The following BCL2L13 variants were observed in gnomAD, a reference collection of about 807,000 sequenced individuals.
BCL2L13 encodes bcl-2-like protein 13.
BCL2L13 carries 13 observed loss-of-function variants against 25.8 expected under a neutral mutation model. The observed-to-expected ratio is 0.50, with a 90% CI of 0.33 to 0.80. BCL2L13 has a LOEUF of 0.80. BCL2L13 is among the 30% of genes least tolerant of loss of function. The pLI, the probability that BCL2L13 is intolerant of heterozygous loss-of-function variation, is 0.02. For missense variants in BCL2L13, 504 were observed against 574.9 expected (o/e 0.88, Z 1.26); for synonymous variants, 244 against 230.3 (o/e 1.06, Z -0.54).
Position 17,683,341 on chromosome 22 carries a change from TC to T in BCL2L13, c.229+21del. The T allele has an allele frequency of 2.2e-6, 3 of 1,363,330 alleles. No individual in the cohort carries two copies. The highest frequency in any genetic ancestry group is 2.0e-6 in the Non-Finnish European group (2 of 976,086). The allele number at this position is 1,363,330 out of a possible 1,614,324, so 84.5% of individuals were successfully genotyped here. A position where few individuals can be genotyped will look rare whatever the true frequency, so the allele number is the denominator to read the frequency against. ...CTGAAGGTCTGTTTATTCTTATTTT[TC>T]TAGTTAATAAGCAGATTGTGTTTGT... is the stretch of plus-strand genomic sequence containing the variant. On this transcript the variant is annotated intron_variant, in intron 3 of 6. Transcript: ENST00000317582.
At chr22:17,646,186 A>G (rs534341023) in intron 1 of BCL2L13, among the ~76,000 whole-genome samples, 2 of 151,670 alleles carry the variant, frequency 1.3e-5, no homozygotes, top group South Asian at 4.1e-4. Flanking sequence ...AGGCACAGAA[A>G]GAAACAGGTG....
At chr22:17,695,889 C>T (rs2060250419) in intron 4 of BCL2L13, 1 of 330,278 alleles carries the variant, frequency 3.0e-6, no homozygotes, top group Non-Finnish European at 5.7e-6. Flanking sequence ...CAAGCAGTTA[C>T]AAAAAAATTA....
intron 2 of BCL2L13, among the ~76,000 whole-genome samples, chr22:17,667,775 T>C (rs1410600455): frequency 8.7e-5 from 13 of 149,762 alleles, no homozygotes; most frequent in East Asian, 4.1e-4. Context: ...TCCCAAAGTG[T>C]TGGGATTACA....
chr22:17,662,669 A>G (rs1310717146), intron 2 of BCL2L13, among the ~76,000 whole-genome samples: 1 of 151,858 alleles, frequency 6.6e-6, no homozygotes, highest in Non-Finnish European at 1.5e-5. Context: ...ATAAAAATAA[A>G]TTAGCTGGGT....
At chr22:17,639,842 C>T (rs1027811321) in intron 1 of BCL2L13, among the ~76,000 whole-genome samples, 12 of 151,032 alleles carry the variant, frequency 7.9e-5, no homozygotes, top group Non-Finnish European at 1.0e-4. Flanking sequence ...CCACACCCTT[C>T]AGATACCTTC....
intron 2 of BCL2L13, among the ~76,000 whole-genome samples, chr22:17,656,719 T>C (rs528209151): frequency 6.6e-6 from 1 of 152,240 alleles, no homozygotes; most frequent in South Asian, 2.1e-4. Context: ...TTTTCGATAC[T>C]TCACAAATAT....
chr22:17,638,972 A>G (rs751154691), intron 1 of BCL2L13, 86 bp downstream of exon 1: 5 of 1,072,274 alleles, frequency 4.7e-6, no homozygotes, highest in Non-Finnish European at 5.9e-6. Flanking sequence ...GACCGTATCG[A>G]GCCACCGACT....
At chr22:17,664,856 C>A (rs1429884568) in intron 2 of BCL2L13, among the ~76,000 whole-genome samples, 1 of 152,180 alleles carries the variant, frequency 6.6e-6, no homozygotes, top group African/African-American at 2.4e-5. Flanking sequence ...TGCAGGGCAC[C>A]AAGTCCAGAG....
At chr22:17,663,935 G>A (rs1278709398) in intron 2 of BCL2L13, among the ~76,000 whole-genome samples, 4 of 151,666 alleles carry the variant, frequency 2.6e-5, no homozygotes, top group African/African-American at 9.7e-5. Context: ...TGCAACCTCC[G>A]CCTCCCGGGT....
chr22:17,655,065 C>A (rs200116750), intron 1 of BCL2L13, among the ~76,000 whole-genome samples: 1 of 150,454 alleles, frequency 6.6e-6, no homozygotes, highest in Admixed American at 6.7e-5. Flanking sequence ...TTTAAATTTT[C>A]TTTTTTTTTT....
chr22:17,663,070 A>G (rs1026204764), intron 2 of BCL2L13, among the ~76,000 whole-genome samples: 1 of 151,972 alleles, frequency 6.6e-6, no homozygotes, highest in African/African-American at 2.4e-5. Flanking sequence ...AGGGTCTTGC[A>G]GTGTTGCCCA....
intron 2 of BCL2L13, among the ~76,000 whole-genome samples, chr22:17,669,895 C>A (rs1047654976): frequency 3.3e-5 from 5 of 152,172 alleles, no homozygotes; most frequent in Admixed American, 3.3e-4. Flanking sequence ...GCCTCCAGAA[C>A]TGTGAGAAAT....
chr22:17,698,219 A>G (rs1341751657), intron 5 of BCL2L13, among the ~76,000 whole-genome samples: 3 of 151,172 alleles, frequency 2.0e-5, no homozygotes, highest in Non-Finnish European at 2.9e-5. Flanking sequence ...GGTTCAAGCA[A>G]TTCTCCTGCC....
rs531853151 is a variant in BCL2L13 at position 17,710,776 on chromosome 22, C to T, written c.600+8390C>T. Among the ~76,000 whole-genome samples the T allele has an allele frequency of 2.4e-4, 36 of 151,744 alleles. No homozygotes were observed. The East Asian group carries it at 6.0e-3, about 25-fold the overall frequency. On this transcript the variant is annotated intron_variant, in intron 6 of 6. Coordinates refer to ENST00000317582, the MANE Select transcript of BCL2L13 (RefSeq NM_015367.4). ...CCCATAGTTCCAGCTACTCGGGAGG[C>T]TGAGGCAGGAGAATGGTATGAATCC...
chr22:17,647,542 T>C (rs2058538409), intron 1 of BCL2L13, among the ~76,000 whole-genome samples: 1 of 152,176 alleles, frequency 6.6e-6, no homozygotes, highest in South Asian at 2.1e-4. Context: ...CCTTCCGTAT[T>C]ACTAGTGTTA....
chr22:17,713,971 C>G (rs1205327371), intron 6 of BCL2L13, among the ~76,000 whole-genome samples: 1 of 151,408 alleles, frequency 6.6e-6, no homozygotes, highest in East Asian at 2.0e-4. Context: ...TGGTGATACC[C>G]TATTTCTACC....
chr22:17,652,341 C>T (rs2058714401), intron 1 of BCL2L13, among the ~76,000 whole-genome samples: 1 of 152,154 alleles, frequency 6.6e-6, no homozygotes, highest in Non-Finnish European at 1.5e-5. Context: ...CCCAGCCACA[C>T]ATTAAGCACA....
intron 2 of BCL2L13, among the ~76,000 whole-genome samples, chr22:17,667,624 C>G (rs1354936313): frequency 6.6e-6 from 1 of 151,774 alleles, no homozygotes; most frequent in Non-Finnish European, 1.5e-5. Flanking sequence ...TTCTCCTGCC[C>G]CCACCTCCTG....
chr22:17,672,852 G>A, intron 2 of BCL2L13, among the ~76,000 whole-genome samples: 1 of 152,138 alleles, frequency 6.6e-6, no homozygotes, highest in Non-Finnish European at 1.5e-5. Flanking sequence ...TGGGATGGTG[G>A]TGGTATTGAT....
Sources: gnomAD v4.1 joint callset for allele counts (sites outside exome capture counted in the v4.1 genomes callset) on GRCh38, gnomAD v4.1.1 for gene constraint, MANE v1.5 for transcripts, NCBI Gene and HGNC (gene_info 2026-07-23, HGNC 2026-07-21) for gene names.